Variants in FAM135B observed in about 807,000 individuals in gnomAD.
FAM135B encodes the protein family with sequence similarity 135 member B.
FAM135B carries 43 observed loss-of-function variants against 127.7 expected under a neutral mutation model. The ratio of observed to expected loss-of-function variants is 0.34; its 90% CI spans 0.26 to 0.43. The LOEUF (loss-of-function observed/expected upper bound fraction) is 0.43, where lower values mean the gene tolerates loss of function less well. Among genes scored for constraint, FAM135B ranks in the 20% least tolerant of loss-of-function variants. The probability of loss-of-function intolerance (pLI) is 1.00; values close to 1 mark genes in which losing one functional copy is unlikely to be tolerated. For synonymous variants in FAM135B, 670 were observed against 665.1 expected (o/e 1.01, Z -0.11); for missense variants, 1,558 against 1,725.6 (o/e 0.90, Z 1.72).
chr8:138,411,129 G>C (rs1833839277), intron 1 of FAM135B, among the ~76,000 whole-genome samples: 1 of 148,370 alleles, frequency 6.7e-6, no homozygotes, highest in East Asian at 2.0e-4. Flanking sequence ...CACAGAATTG[G>C]AAAAAACTAC....
intron 1 of FAM135B, among the ~76,000 whole-genome samples, chr8:138,472,583 ACAATT>A (rs1837740331): frequency 6.6e-6 from 1 of 150,946 alleles, no homozygotes; most frequent in African/African-American, 2.4e-5. Context: ...AAGATTTTGA[ACAATT>A]CAAATTCCAG....
intron 2 of FAM135B, among the ~76,000 whole-genome samples, chr8:138,320,467 G>A (rs1827375323): frequency 6.6e-6 from 1 of 152,188 alleles, no homozygotes; most frequent in South Asian, 2.1e-4. Flanking sequence ...TCTTATCACA[G>A]GGGCCCAGCT....
At position 138,243,303 on chromosome 8, in the gene FAM135B, T is replaced by C. The variant is rs913229048; in HGVS notation, c.543-235A>G. 1.3e-5 allele frequency among the ~76,000 whole-genome samples: 2 copies of C among 152,194 alleles called. No homozygotes were observed. Among genetic ancestry groups the C allele is most frequent in the Admixed American group, 6.5e-5 (1 of 15,278 alleles). ...TGATACACATCCTACAATGTGTGCA[T>C]GTAAATGCCCACCCTAAATGCCAAC... On this transcript the variant is annotated intron_variant, in intron 6 of 19. Transcript: ENST00000395297. This position sits in a 1 kb window ranked among gnomAD's most constrained non-coding sequence, Gnocchi z 7.5.
intron 2 of FAM135B, among the ~76,000 whole-genome samples, chr8:138,365,010 GT>G (rs1213418002): frequency 1.3e-5 from 2 of 151,898 alleles, no homozygotes; most frequent in Admixed American, 1.3e-4. Context: ...CCACTCTCAG[GT>G]GATTTTTGAA....
chr8:138,328,419 G>C (rs1483904915), intron 2 of FAM135B, among the ~76,000 whole-genome samples: 1 of 152,060 alleles, frequency 6.6e-6, no homozygotes, highest in Non-Finnish European at 1.5e-5. Context: ...TTGAGCAGCA[G>C]GACATAAATA....
At chr8:138,472,993 G>A (rs1346759506) in intron 1 of FAM135B, among the ~76,000 whole-genome samples, 1 of 152,094 alleles carries the variant, frequency 6.6e-6, no homozygotes, top group African/African-American at 2.4e-5. Context: ...TGGATATTGG[G>A]AATTCTAGTC....
intron 12 of FAM135B, among the ~76,000 whole-genome samples, chr8:138,156,123 G>T (rs987737614): frequency 6.6e-5 from 10 of 152,266 alleles, no homozygotes; most frequent in African/African-American, 2.2e-4. Context: ...AATCAAATTA[G>T]AACTCAGGAT....
chr8:138,151,635 T>C lies in FAM135B; in HGVS notation c.2840A>G (p.Asn947Ser), dbSNP rs2130736870. The C allele has an allele frequency of 6.2e-7, 1 of 1,614,192 alleles. No homozygotes were observed. The highest frequency in any genetic ancestry group is 8.5e-7 in the Non-Finnish European group (1 of 1,180,036). ...LSCTSAADAI[N>S]RNSTGQQSQS... is the part of the protein sequence containing the mutation. ...GCTTTGCTGGCCTGTTGAGTTCCTG[T>C]TGATGGCATCAGCAGCTGACGTACA... Residue 947 changes from asparagine to serine, a missense_variant, in exon 13 of 20, where the codon AAC (asparagine) becomes AGC (serine). Asn to Ser is a conservative substitution (Grantham distance 46, BLOSUM62 1). This residue lies in a region of FAM135B where 923 missense variants were observed against 865.3 expected (regional missense o/e 1.07). Coordinates refer to ENST00000395297, the MANE Select transcript of FAM135B (RefSeq NM_015912.4).
At chr8:138,274,925 C>CAA (rs956058912) in intron 3 of FAM135B, among the ~76,000 whole-genome samples, 24 of 10,100 alleles carry the variant, frequency 2.4e-3, no homozygotes, top group Non-Finnish European at 0.016. Context: ...TGCTCAAACA[C>CAA]ACGATGTACA....
In FAM135B at chr8:138,241,986, TGCCTTTG is replaced by T. The variant is rs1820821402; in HGVS notation, c.669+949_669+955del. 6.6e-6 allele frequency among the ~76,000 whole-genome samples: 1 copy of T among 152,178 alleles called. No homozygotes were observed. The highest frequency in any genetic ancestry group is 2.1e-4 in the South Asian group (1 of 4,830). On this transcript the variant is annotated intron_variant, in intron 7 of 19. Coordinates refer to ENST00000395297, the MANE Select transcript of FAM135B (RefSeq NM_015912.4). This position sits in a 1 kb window ranked among gnomAD's most constrained non-coding sequence, Gnocchi z 4.8. The stretch of plus-strand genomic sequence containing the variant: ...TTGATCTGGGACATCAGTTTTCTCC[TGCCTTTG>T]GACTTAGACTTGCAAGGGGCCTTAT...
intron 7 of FAM135B, among the ~76,000 whole-genome samples, chr8:138,238,087 G>A (rs1007026332): frequency 2.0e-5 from 3 of 152,138 alleles, no homozygotes; most frequent in African/African-American, 7.2e-5. Context: ...AAGGGTAGGT[G>A]CCTGGCCCAA....
Position 138,132,492 on chromosome 8 carries a change from T to C in FAM135B, c.*101A>G. The C allele has an allele frequency of 1.0e-6, 1 of 997,744 alleles. No individual in the cohort carries two copies. The highest frequency in any genetic ancestry group is 1.5e-6 in the Non-Finnish European group (1 of 648,998). 61.8% of individuals were successfully genotyped at this position (997,744 alleles called of 1,614,324 possible). ...CCCGAGCCTCCGTCCCCCAATGCTGTTGAAGCTTCATTCTGAAATGGTGAG... is the reference window on the plus strand; with the variant it reads ...CCCGAGCCTCCGTCCCCCAATGCTGCTGAAGCTTCATTCTGAAATGGTGAG... On this transcript the variant is annotated 3_prime_UTR_variant, in exon 20 of 20. Transcript: ENST00000395297. This position sits in a 1 kb window ranked among gnomAD's most constrained non-coding sequence, Gnocchi z 4.5.
At chr8:138,227,559 G>A (rs1819553535) in intron 7 of FAM135B, among the ~76,000 whole-genome samples, 1 of 152,114 alleles carries the variant, frequency 6.6e-6, no homozygotes, top group Non-Finnish European at 1.5e-5. Context: ...GGGTATAACT[G>A]ACATACAAAA....
intron 7 of FAM135B, among the ~76,000 whole-genome samples, chr8:138,198,056 C>G (rs1053915174): frequency 6.6e-6 from 1 of 152,206 alleles, no homozygotes; most frequent in African/African-American, 2.4e-5. Flanking sequence ...TGTTCCCACC[C>G]AAGTCTCACC....
chr8:138,152,855 A>G lies in FAM135B; in HGVS notation c.1620T>C (p.Ser540=), dbSNP rs760340253. The part of the protein sequence containing the change: ...PVADVDTSRR[S]PGPEDGQAPV... ...GGGCCTGTCCATCCTCTGGACCTGG[A>G]CTCCTTCTAGAAGTATCCACATCTG... The change falls in exon 13 of 20, where the codon AGT becomes AGC. Residue 540 remains serine, a synonymous_variant. Transcript: ENST00000395297. 1 of 1,614,062 alleles carries G rather than the reference A, an allele frequency of 6.2e-7. No individual in the cohort carries two copies. The highest frequency in any genetic ancestry group is 8.5e-7 in the Non-Finnish European group (1 of 1,179,994).
chr8:138,279,870 T>G (rs773550961), intron 3 of FAM135B, among the ~76,000 whole-genome samples: 5 of 152,112 alleles, frequency 3.3e-5, no homozygotes, highest in Non-Finnish European at 7.4e-5. Flanking sequence ...GATCAGTACT[T>G]TAAATAAAAT....
At chr8:138,416,044 C>A (rs1834128484) in intron 1 of FAM135B, among the ~76,000 whole-genome samples, 1 of 152,134 alleles carries the variant, frequency 6.6e-6, no homozygotes, top group Admixed American at 6.5e-5. Context: ...GCCTGGTCCT[C>A]AATTTTTTGC....
chr8:138,133,594 TG>T (rs896064528), intron 19 of FAM135B, among the ~76,000 whole-genome samples: 115 of 152,308 alleles, frequency 7.6e-4, no homozygotes, highest in African/African-American at 2.7e-3. Context: ...AATTGGAAGT[TG>T]TAAGTCAGGT....
intron 2 of FAM135B, among the ~76,000 whole-genome samples, chr8:138,351,568 CCAA>C (rs1221543188): frequency 6.6e-6 from 1 of 152,094 alleles, no homozygotes; most frequent in Admixed American, 6.6e-5. Flanking sequence ...ACCTCTAGAC[CCAA>C]CAACTGTGAC....
Sources: allele counts gnomAD v4.1 joint callset (sites outside exome capture counted in the v4.1 genomes callset), GRCh38; gene constraint gnomAD v4.1.1; regional missense constraint gnomAD v4.1.1; non-coding constraint Gnocchi (gnomAD v3.1); transcripts MANE v1.5; gene names NCBI Gene and HGNC (gene_info 2026-07-23, HGNC 2026-07-21).